Variants in KCNH5 observed in about 807,000 individuals in gnomAD.
The protein encoded by KCNH5 is potassium voltage-gated channel subfamily H member 5.
A neutral mutation model predicts 96.1 loss-of-function variants in KCNH5; 46 were observed. That is an observed-to-expected ratio of 0.48 (90% CI 0.38 to 0.61). The LOEUF (loss-of-function observed/expected upper bound fraction) is 0.61, where lower values mean the gene tolerates loss of function less well. Ranked by LOEUF, KCNH5 falls within the 20% of genes least tolerant of loss-of-function variation. The pLI is 0.00. For missense variants in KCNH5, 907 were observed against 1,225.8 expected (o/e 0.74, Z 3.88); for synonymous variants, 439 against 449.8 (o/e 0.98, Z 0.30).
At chr14:62,930,221 A>C (rs999167774) in intron 7 of KCNH5, among the ~76,000 whole-genome samples, 1 of 152,120 alleles carries the variant, frequency 6.6e-6, no homozygotes, top group African/African-American at 2.4e-5. Flanking sequence ...TGCTCTCCAC[A>C]GTTGCTGAAC....
chr14:62,730,829 G>C (rs73271125), intron 10 of KCNH5, among the ~76,000 whole-genome samples: 7,854 of 152,114 alleles, frequency 0.052, 622 homozygotes, highest in African/African-American at 0.17. Flanking sequence ...AAACCACAAA[G>C]GAATAATTTA....
At chr14:62,990,100 G>A (rs1288226480) in intron 4 of KCNH5, among the ~76,000 whole-genome samples, 1 of 151,266 alleles carries the variant, frequency 6.6e-6, no homozygotes, top group African/African-American at 2.4e-5. Context: ...CGTTCCCTGT[G>A]TGAAAAAAAG....
At chr14:62,880,120 A>T (rs1888462882) in intron 7 of KCNH5, among the ~76,000 whole-genome samples, 1 of 152,216 alleles carries the variant, frequency 6.6e-6, no homozygotes, top group Non-Finnish European at 1.5e-5. Flanking sequence ...ACTAAACTAA[A>T]CATTTCATTT....
rs944676328 is a variant in KCNH5 at position 62,706,888 on chromosome 14, T to G, written c.*620A>C. The G allele has an allele frequency of 1.3e-5, 2 of 152,160 alleles. No individual in the cohort carries two copies. Among genetic ancestry groups the G allele is most frequent in the Non-Finnish European group, 2.9e-5 (2 of 68,008 alleles). 9.4% of individuals were successfully genotyped at this position (152,160 alleles called of 1,614,324 possible). A position where few individuals can be genotyped will look rare whatever the true frequency, so the allele number is the denominator to read the frequency against. On this transcript the variant is annotated 3_prime_UTR_variant, in exon 11 of 11. Transcript: ENST00000322893. ...GTTAAAAAACGAGAGGTATAGTTGA[T>G]CAAAAATGTAATTCATGCACAAAAC... is the stretch of plus-strand genomic sequence containing the variant.
At chr14:62,981,312 A>G in intron 5 of KCNH5, 48 bp from the exon 6 acceptor site, 4 of 1,559,050 alleles carry the variant, frequency 2.6e-6, no homozygotes, top group Non-Finnish European at 3.5e-6. Flanking sequence ...ATCTCTGCAC[A>G]GTCAGTGATG....
At chr14:62,914,553 A>G (rs997331628) in intron 7 of KCNH5, among the ~76,000 whole-genome samples, 1 of 152,194 alleles carries the variant, frequency 6.6e-6, no homozygotes, top group Non-Finnish European at 1.5e-5. Context: ...ACTGGAAGAG[A>G]CAAAAATCTT....
intron 8 of KCNH5, among the ~76,000 whole-genome samples, chr14:62,818,039 C>A (rs1887028871): frequency 7.4e-6 from 1 of 134,572 alleles, no homozygotes; most frequent in Non-Finnish European, 1.5e-5. Flanking sequence ...CTTGATCTCA[C>A]CTATATGTGG....
intron 8 of KCNH5, among the ~76,000 whole-genome samples, chr14:62,814,040 C>A (rs1440275029): frequency 6.6e-6 from 1 of 152,052 alleles, no homozygotes. Context: ...AAATTAACTT[C>A]CATTATTTAA....
At chr14:62,753,846 T>A (rs755955546) in intron 10 of KCNH5, among the ~76,000 whole-genome samples, 24 of 152,160 alleles carry the variant, frequency 1.6e-4, no homozygotes, top group Non-Finnish European at 3.1e-4. Flanking sequence ...ATGCTAAAGG[T>A]AGTTCTTCAA....
At chr14:62,771,277 C>T (rs1885979359) in intron 10 of KCNH5, among the ~76,000 whole-genome samples, 1 of 152,080 alleles carries the variant, frequency 6.6e-6, no homozygotes, top group Admixed American at 6.6e-5. Context: ...GAAATATTGG[C>T]AAGGGGTACC....
At chr14:62,721,441 G>T (rs894664182) in intron 10 of KCNH5, among the ~76,000 whole-genome samples, 22 of 151,958 alleles carry the variant, frequency 1.4e-4, no homozygotes, top group African/African-American at 5.1e-4. Flanking sequence ...TCTCTGGTCT[G>T]ATTTAATCTT....
chr14:63,020,276 T>TTTGTAAAGTTAA (rs1891400783), intron 1 of KCNH5, among the ~76,000 whole-genome samples: 1 of 152,128 alleles, frequency 6.6e-6, no homozygotes, highest in Non-Finnish European at 1.5e-5. Context: ...TAAATATGTA[T>TTTGTAAAGTTAA]CTATGACCCA....
intron 6 of KCNH5, among the ~76,000 whole-genome samples, chr14:62,964,902 C>T (rs929426912): frequency 3.3e-5 from 5 of 150,236 alleles, no homozygotes; most frequent in African/African-American, 1.2e-4. Context: ...CAATCCCTCT[C>T]CCCTAGTGCA....
chr14:62,719,177 T>C (rs1302700235), intron 10 of KCNH5, among the ~76,000 whole-genome samples: 3 of 152,224 alleles, frequency 2.0e-5, no homozygotes, highest in Admixed American at 6.5e-5. Flanking sequence ...CTAAATTGTA[T>C]ACTTAAAATA....
At chr14:62,794,762 G>T (rs1480031145) in intron 9 of KCNH5, among the ~76,000 whole-genome samples, 1 of 152,108 alleles carries the variant, frequency 6.6e-6, no homozygotes, top group South Asian at 2.1e-4. Context: ...GGGCTCATTT[G>T]CTAATGGAAA....
intron 1 of KCNH5, among the ~76,000 whole-genome samples, chr14:63,042,147 C>G (rs1012122250): frequency 6.6e-6 from 1 of 152,010 alleles, no homozygotes; most frequent in African/African-American, 2.4e-5. Context: ...CCCACCCCAC[C>G]CCTTTCTCTC....
chr14:62,853,483 T>TATATATATATATATATATATATC (rs937338465), intron 7 of KCNH5, among the ~76,000 whole-genome samples: 32 of 128,520 alleles, frequency 2.5e-4, no homozygotes, highest in African/African-American at 9.3e-4. Flanking sequence ...ATATATATCA[T>TATATATATATATATATATATATC]ATATATATAT....
intron 10 of KCNH5, among the ~76,000 whole-genome samples, chr14:62,730,666 G>A (rs528720851): frequency 9.2e-5 from 14 of 152,308 alleles, no homozygotes; most frequent in South Asian, 8.3e-4. Flanking sequence ...CAACAGGGGA[G>A]TGTTTATTTG....
intron 7 of KCNH5, among the ~76,000 whole-genome samples, chr14:62,876,833 T>C (rs1888383463): frequency 6.6e-6 from 1 of 152,090 alleles, no homozygotes; most frequent in Admixed American, 6.6e-5. Flanking sequence ...AAGACAGTAG[T>C]CCACAATAAA....
Sources: gnomAD v4.1 joint callset for allele counts (sites outside exome capture counted in the v4.1 genomes callset) on GRCh38, gnomAD v4.1.1 for gene constraint, MANE v1.5 for transcripts, NCBI Gene and HGNC (gene_info 2026-07-23, HGNC 2026-07-21) for gene names.